Variants in LAMA1 observed in about 807,000 individuals in gnomAD.
LAMA1 encodes laminin subunit alpha-1.
Under a neutral mutation model 348.7 loss-of-function variants are expected in LAMA1, and 219 were observed. The observed-to-expected ratio is 0.63, with a 90% CI of 0.56 to 0.70. The LOEUF (loss-of-function observed/expected upper bound fraction) is 0.70. LAMA1 is among the 30% of genes least tolerant of loss of function. The pLI, the probability that LAMA1 is intolerant of heterozygous loss-of-function variation, is 0.00. For synonymous variants in LAMA1, 1,487 were observed against 1,491.0 expected (o/e 1.00, Z 0.06); for missense variants, 3,744 against 3,888.0 (o/e 0.96, Z 0.99).
intron 23 of LAMA1, 41 bp from the exon 24 acceptor site, chr18:7,012,179 A>G (rs2057863805): frequency 4.4e-6 from 7 of 1,604,308 alleles, no homozygotes; most frequent in Non-Finnish European, 5.1e-6. Context: ...TGCCTAAAAA[A>G]GAGATGTGAT....
rs145569942 is a variant in LAMA1, at chr18:6,942,196, G to A, written c.9111C>T (p.Arg3037=). 2.8e-4 allele frequency: 446 copies of A among 1,614,024 alleles called. No homozygotes were observed. Among genetic ancestry groups the A allele is most frequent in the Non-Finnish European group, 3.6e-4 (430 of 1,180,040 alleles). ...QKCLRSQTSF[R]GCLRKLALIK... ...TCAGAGCTAGCTTCCTCAAACACCC[G>A]CGGAACGAGGTCTGGCTGCGCAGGC... The change falls in exon 63 of 63, where the codon CGC becomes CGT. Residue 3037 remains arginine (R), a synonymous_variant. Transcript: ENST00000389658.
chr18:7,042,201 AC>A lies in LAMA1; in HGVS notation c.1204del (p.Val402TrpfsTer91). The A allele has an allele frequency of 1.2e-6, 2 of 1,612,902 alleles. No homozygotes were observed. The highest frequency in any genetic ancestry group is 1.7e-6 in the Non-Finnish European group (2 of 1,179,338). ...AATACAGACAGAACTGAGGGACCCC[AC>A]AGGGTCACAATTACAGGGGCGGCAA... ...EPCRPCNCDP[V>X]GSLSSVCIKD... On this transcript the variant is annotated frameshift_variant, in exon 9 of 63. Coordinates refer to ENST00000389658, the MANE Select transcript of LAMA1 (RefSeq NM_005559.4). LOFTEE classifies it high-confidence loss of function.
intron 1 of LAMA1, among the ~76,000 whole-genome samples, chr18:7,081,806 T>C (rs2058194530): frequency 2.6e-5 from 4 of 152,204 alleles, no homozygotes; most frequent in Admixed American, 6.5e-5. Flanking sequence ...GGCGTTTCTC[T>C]AACATAGTAC....
intron 53 of LAMA1, 94 bp from the exon 54 acceptor site, chr18:6,959,586 C>A (rs959636604): frequency 3.8e-6 from 5 of 1,331,906 alleles, no homozygotes; most frequent in Non-Finnish European, 5.3e-6. Context: ...AGAAGATTAA[C>A]ATCAAGTGAG....
At chr18:7,041,259 C>G (rs970265133) in intron 9 of LAMA1, among the ~76,000 whole-genome samples, 7 of 152,062 alleles carry the variant, frequency 4.6e-5, no homozygotes, top group Admixed American at 3.9e-4. Context: ...CTTGACTGCT[C>G]TGAGCTACAG....
At chr18:7,044,146 G>C (rs1411267110) in intron 7 of LAMA1, among the ~76,000 whole-genome samples, 1 of 125,980 alleles carries the variant, frequency 7.9e-6, no homozygotes, top group East Asian at 2.5e-4. Flanking sequence ...GTAGGTGACA[G>C]AGTGAGACTC....
chr18:6,943,562 A>C, intron 61 of LAMA1, among the ~76,000 whole-genome samples, 160 bp from the exon 62 acceptor site: 1 of 152,160 alleles, frequency 6.6e-6, no homozygotes, highest in East Asian at 1.9e-4. Context: ...AAGGATTCAG[A>C]TGATGGCTGG....
intron 16 of LAMA1, among the ~76,000 whole-genome samples, chr18:7,028,719 C>G (rs765544744): frequency 6.6e-6 from 1 of 152,206 alleles, no homozygotes; most frequent in Non-Finnish European, 1.5e-5. Flanking sequence ...ACCTTCCCCC[C>G]CTCATTTAAA....
At chr18:7,098,717 TGG>T (rs1211451724) in intron 1 of LAMA1, among the ~76,000 whole-genome samples, 4 of 138,100 alleles carry the variant, frequency 2.9e-5, no homozygotes, top group Non-Finnish European at 3.1e-5. Context: ...GGGAGGGAGG[TGG>T]GGGGGTCAGC....
At position 7,096,467 on chromosome 18, in the gene LAMA1, A is replaced by G. The variant is rs569524220; in HGVS notation, c.62-16010T>C. 1.1e-3 allele frequency among the ~76,000 whole-genome samples: 170 copies of G among 152,266 alleles called. 1 individual carries two copies. The highest frequency in any genetic ancestry group is 4.0e-3 in the African/African-American group (165 of 41,546). ...CGGGGCAGGAAGACTGCTTGAGCCCAGGAGTACAACACCAGCCTGGGTAAC... is the reference window on the plus strand; with the variant it reads ...CGGGGCAGGAAGACTGCTTGAGCCCGGGAGTACAACACCAGCCTGGGTAAC... On this transcript the variant is annotated intron_variant, in intron 1 of 62. Transcript: ENST00000389658.
chr18:6,947,303 C>A lies in LAMA1; in HGVS notation c.8711-7G>T. 3 of 1,613,398 alleles carry A rather than the reference C, an allele frequency of 1.9e-6. No homozygotes were observed. In the South Asian group the frequency reaches 3.3e-5, roughly 18 times the overall value. The stretch of plus-strand genomic sequence containing the variant: ...ACTTTGTAGCCCTCTTTGACTGTAA[C>A]ACACAAGGAGGACCCAAGTCAGGGT... On this transcript the variant is annotated splice_polypyrimidine_tract_variant and splice_region_variant and intron_variant, in intron 60 of 62. Coordinates refer to ENST00000389658, the MANE Select transcript of LAMA1 (RefSeq NM_005559.4).
rs375005322 is a variant in LAMA1 at position 7,053,424 on chromosome 18, G to A, written c.346-2488C>T. Among the ~76,000 whole-genome samples the A allele has an allele frequency of 6.4e-3, 968 of 152,324 alleles. 7 individuals are homozygous for A. The highest frequency in any genetic ancestry group is 0.032 in the South Asian group (154 of 4,826). ...AACATGGTAATAGTGGGAGCAACTGGAGGGAAGGGAGAGAGTGAGGAGTAT... is the reference window on the plus strand; with the variant it reads ...AACATGGTAATAGTGGGAGCAACTGAAGGGAAGGGAGAGAGTGAGGAGTAT... On this transcript the variant is annotated intron_variant, in intron 3 of 62. Coordinates refer to ENST00000389658, the MANE Select transcript of LAMA1 (RefSeq NM_005559.4).
Position 6,949,227 on chromosome 18 carries a change from G to C in LAMA1, c.8430C>G (p.Phe2810Leu). Reference protein sequence around the residue: ...VKTDYVKRKGFITVDGRESPM... With the variant: ...VKTDYVKRKGLITVDGRESPM... ...GAGACTCTCGGCCGTCGACAGTTAT[G>C]AAGCCTTTTCTTTTAACATAGTCTG... is the stretch of plus-strand genomic sequence containing the variant. Residue 2810 changes from phenylalanine (F) to leucine (L), a missense_variant, in exon 59 of 63, where the codon TTC (phenylalanine) becomes TTG (leucine). Transcript: ENST00000389658. 1 of 1,614,202 alleles carries C rather than the reference G, an allele frequency of 6.2e-7. No individual in the cohort carries two copies.
chr18:6,975,255 G>A (rs866606202), intron 45 of LAMA1, among the ~76,000 whole-genome samples: 9 of 152,272 alleles, frequency 5.9e-5, no homozygotes, highest in Admixed American at 2.0e-4. Flanking sequence ...GCCTCCCTGC[G>A]TGCCTGGCAT....
intron 51 of LAMA1, 97 bp downstream of exon 51, chr18:6,964,565 G>T: frequency 6.9e-7 from 1 of 1,459,186 alleles, no homozygotes; most frequent in Non-Finnish European, 9.6e-7. Context: ...AATTAGTGTT[G>T]TTTAAGCCAC....
Position 6,944,231 on chromosome 18 carries a change from G to C in LAMA1, c.8845-829C>G, listed in dbSNP as rs549187189. On this transcript the variant is annotated intron_variant, in intron 61 of 62. Coordinates refer to ENST00000389658, the MANE Select transcript of LAMA1 (RefSeq NM_005559.4). Reference sequence around the variant, plus strand: ...GGGTTTCACCATGTTGGCCAGGCTGGTCTTGAATTCCTGACCTCAGGTGAT... The same window carrying C: ...GGGTTTCACCATGTTGGCCAGGCTGCTCTTGAATTCCTGACCTCAGGTGAT... 4.6e-5 allele frequency among the ~76,000 whole-genome samples: 7 copies of C among 152,288 alleles called. No homozygotes were observed. The East Asian group carries it at 1.4e-3, about 30-fold the overall frequency.
chr18:7,003,469 A>G lies in LAMA1; in HGVS notation c.4261-1084T>C, dbSNP rs900294221. ...GAGACAGGATTTCACTGTGTTAGCC[A>G]GGATGGTCTCGATCTCCTGACCTTG... On this transcript the variant is annotated intron_variant, in intron 29 of 62. Transcript: ENST00000389658. Among the ~76,000 whole-genome samples the G allele has an allele frequency of 2.0e-5, 3 of 152,284 alleles. No individual in the cohort carries two copies. In the East Asian group the frequency reaches 5.8e-4, roughly 29 times the overall value.
chr18:7,077,391 G>C (rs1598308132), intron 3 of LAMA1, among the ~76,000 whole-genome samples: 1 of 151,958 alleles, frequency 6.6e-6, no homozygotes, highest in Middle Eastern at 3.4e-3. Flanking sequence ...TTTTTTAGTA[G>C]AGACGGGATT....
chr18:6,994,415 C>CTGAGTTTGGTG (rs1385973510), intron 34 of LAMA1, among the ~76,000 whole-genome samples: 7 of 152,200 alleles, frequency 4.6e-5, no homozygotes, highest in Non-Finnish European at 1.0e-4. Context: ...GTAACCCAGT[C>CTGAGTTTGGTG]TGAGTTTGGT....
Sources: gnomAD v4.1 joint callset for allele counts (sites outside exome capture counted in the v4.1 genomes callset) on GRCh38, gnomAD v4.1.1 for gene constraint, MANE v1.5 for transcripts, NCBI Gene and HGNC (gene_info 2026-07-23, HGNC 2026-07-21) for gene names.